HSPA4: variants seen among roughly 807,000 people sequenced by gnomAD.
HSPA4 encodes heat shock protein family A (Hsp70) member 4, also known as heat shock 70 kDa protein 4.
In HSPA4, 25 loss-of-function variants were observed where a neutral mutation model predicts 106.2. That is an observed-to-expected ratio of 0.24 (90% CI 0.17 to 0.33). The LOEUF is 0.33. Among genes scored for constraint, HSPA4 ranks in the 10% least tolerant of loss-of-function variants. The pLI, the probability that HSPA4 is intolerant of heterozygous loss-of-function variation, is 1.00. For synonymous variants in HSPA4, 332 were observed against 333.6 expected (o/e 1.00, Z 0.05); for missense variants, 841 against 996.0 (o/e 0.84, Z 2.10).
rs1765857136 is a variant in HSPA4 at position 133,106,120 on chromosome 5, T to TGG, written c.*1684_*1685insGG. The TGG allele has an allele frequency of 1.0e-5, 1 of 98,860 alleles. No individual in the cohort carries two copies. Among genetic ancestry groups the TGG allele is most frequent in the African/African-American group, 4.7e-5 (1 of 21,270 alleles). The allele number at this position is 98,860 out of a possible 1,614,324, so 6.1% of individuals were successfully genotyped here. A position where few individuals can be genotyped will look rare whatever the true frequency, so the allele number is the denominator to read the frequency against. ...AAAAAAAATTTTTTTTTTTTTTTTT[T>TGG]TTTTTTTTTTTTTTTTTTTTGGTGT... On this transcript the variant is annotated 3_prime_UTR_variant, in exon 19 of 19. Coordinates refer to ENST00000304858, the MANE Select transcript of HSPA4 (RefSeq NM_002154.4).
rs1765661163 is a variant in HSPA4 at position 133,092,753 on chromosome 5, A to G, written c.1614A>G (p.Thr538=). 6.2e-7 allele frequency: 1 copy of G among 1,610,516 alleles called. No individual in the cohort carries two copies. The highest frequency in any genetic ancestry group is 1.1e-5 in the South Asian group (1 of 90,978). The stretch of plus-strand genomic sequence containing the variant: ...ATGTTGAAGAGCAACAGCAGCAGAC[A>G]CCAGCAGAAAATAAGGCAGAGTCTG... ...EPHVEEQQQQ[T]PAENKAESEE... The change falls in exon 13 of 19, where the codon ACA becomes ACG. Residue 538 remains threonine, a synonymous_variant. Coordinates refer to ENST00000304858, the MANE Select transcript of HSPA4 (RefSeq NM_002154.4).
chr5:133,103,731 C>A, intron 17 of HSPA4, 134 bp from the exon 18 acceptor site: 2 of 679,518 alleles, frequency 2.9e-6, no homozygotes, highest in Non-Finnish European at 4.9e-6. Flanking sequence ...TAATTCTGTT[C>A]AGATTGTGAG....
At position 133,065,034 on chromosome 5, in the gene HSPA4, C is replaced by T. The variant is rs202246039; in HGVS notation, c.162C>T (p.Ser54=). Residue 54 remains serine, a synonymous_variant, in exon 2 of 19, where the codon AGC becomes AGT. Transcript: ENST00000304858. ...GTTCAATTGGAGCAGCAGCTAAAAG[C>T]CAGGTAAAGTTTCATTTTTTTCCTA... The part of the protein sequence containing the change: ...KNRSIGAAAK[S]QVISNAKNTV... 1.4e-5 allele frequency: 23 copies of T among 1,613,600 alleles called. No homozygotes were observed. Among genetic ancestry groups the T allele is most frequent in the Non-Finnish European group, 1.9e-5 (22 of 1,179,606 alleles).
At chr5:133,060,020 A>G (rs1227775897) in intron 1 of HSPA4, among the ~76,000 whole-genome samples, 3 of 151,858 alleles carry the variant, frequency 2.0e-5, no homozygotes, top group African/African-American at 7.3e-5. Flanking sequence ...AAGACTTTTC[A>G]GAGCATTTGT....
At chr5:133,077,244 A>AT (rs914462312) in intron 7 of HSPA4, among the ~76,000 whole-genome samples, 147 of 150,428 alleles carry the variant, frequency 9.8e-4, no homozygotes, top group African/African-American at 1.6e-3. Flanking sequence ...AGAAATTGTA[A>AT]TTTTTTTTTT....
Position 133,103,887 on chromosome 5 carries a change from A to G in HSPA4, c.2180A>G (p.Asp727Gly), listed in dbSNP as rs202245528. 4 of 1,613,886 alleles carry G rather than the reference A, an allele frequency of 2.5e-6. No individual in the cohort carries two copies. The highest frequency in any genetic ancestry group is 3.4e-6 in the Non-Finnish European group (4 of 1,179,946). The change falls in exon 18 of 19, where the codon GAT becomes GGT. Residue 727 changes from aspartate (D) to glycine (G), a missense_variant. Asp to Gly is a moderately conservative substitution (Grantham distance 94). Coordinates refer to ENST00000304858, the MANE Select transcript of HSPA4 (RefSeq NM_002154.4). ...KNKEDQYDHL[D>G]AADMTKVEKS... ...CAGGAGGACCAGTATGATCATTTGG[A>G]TGCTGCTGACATGACAAAGGTAGAA...
chr5:133,091,110 A>T (rs776104302), intron 11 of HSPA4, 83 bp from the exon 12 acceptor site: 25 of 1,135,246 alleles, frequency 2.2e-5, no homozygotes, highest in Admixed American at 3.4e-5. Flanking sequence ...GAAAGTAGAC[A>T]TAATCTAGCA....
intron 7 of HSPA4, among the ~76,000 whole-genome samples, chr5:133,084,432 C>A (rs189121431): frequency 1.3e-5 from 2 of 152,072 alleles, no homozygotes; most frequent in Non-Finnish European, 2.9e-5. Flanking sequence ...GTTAGCAATC[C>A]TTAAGTTTTG....
At chr5:133,078,459 ACT>A (rs1765472836) in intron 7 of HSPA4, among the ~76,000 whole-genome samples, 1 of 149,688 alleles carries the variant, frequency 6.7e-6, no homozygotes, top group African/African-American at 2.5e-5. Context: ...ACGAGGTGAA[ACT>A]CTTTCTCTAC....
chr5:133,102,907 G>GGT (rs1247212747), intron 17 of HSPA4, among the ~76,000 whole-genome samples: 1 of 63,504 alleles, frequency 1.6e-5, no homozygotes, highest in Non-Finnish European at 3.2e-5. Context: ...ACCCAACTAG[G>GGT]GTTGTCTTTT....
At chr5:133,094,538 T>C (rs916566065) in intron 13 of HSPA4, among the ~76,000 whole-genome samples, 3 of 152,096 alleles carry the variant, frequency 2.0e-5, no homozygotes, top group African/African-American at 7.2e-5. Flanking sequence ...ACCCTTTATG[T>C]TGTTGGGTGG....
chr5:133,077,211 GAATTT>G (rs1299791130), intron 7 of HSPA4, among the ~76,000 whole-genome samples: 6 of 152,126 alleles, frequency 3.9e-5, no homozygotes, highest in African/African-American at 7.2e-5. Context: ...GAATTAAATT[GAATTT>G]AATTTACCCA....
At chr5:133,103,743 C>T (rs980433935) in intron 17 of HSPA4, 122 bp from the exon 18 acceptor site, 1 of 749,138 alleles carries the variant, frequency 1.3e-6, no homozygotes, top group Non-Finnish European at 2.2e-6. Context: ...GATTGTGAGG[C>T]TAAATATGCT....
chr5:133,088,361 CTTTCA>C, intron 8 of HSPA4, 38 bp from the exon 9 acceptor site: 3 of 1,390,426 alleles, frequency 2.2e-6, no homozygotes, highest in Non-Finnish European at 3.0e-6. Context: ...TGTTATTGTT[CTTTCA>C]TTTCATTAAA....
At chr5:133,086,085 C>T (rs991834388) in intron 7 of HSPA4, among the ~76,000 whole-genome samples, 6 of 152,140 alleles carry the variant, frequency 3.9e-5, no homozygotes, top group African/African-American at 1.4e-4. Context: ...TGCCTGTAGA[C>T]CCAGCTACTT....
chr5:133,074,184 G>A lies in HSPA4; in HGVS notation c.663+58G>A, dbSNP rs140131673. The A allele has an allele frequency of 3.2e-4, 375 of 1,167,574 alleles. No individual in the cohort carries two copies. In the African/African-American group the frequency reaches 5.0e-3, roughly 16 times the overall value. 72.3% of individuals were successfully genotyped at this position (1,167,574 alleles called of 1,614,324 possible). ...AGTAGTATGGTAATTATGAAATTTTGAGAGACAATGATTTTTTCTCATCTA... is the reference window on the plus strand; with the variant it reads ...AGTAGTATGGTAATTATGAAATTTTAAGAGACAATGATTTTTTCTCATCTA... On this transcript the variant is annotated intron_variant, in intron 6 of 18. Coordinates refer to ENST00000304858, the MANE Select transcript of HSPA4 (RefSeq NM_002154.4).
intron 15 of HSPA4, 91 bp from the exon 16 acceptor site, chr5:133,099,454 A>C (rs55717840): frequency 0.11 from 68,353 of 600,072 alleles, 4,851 homozygotes; most frequent in Non-Finnish European, 0.15. Context: ...TTTAAAGCAA[A>C]TCTCAGATAC....
intron 1 of HSPA4, among the ~76,000 whole-genome samples, chr5:133,055,326 T>G: frequency 6.8e-6 from 1 of 146,370 alleles, no homozygotes; most frequent in East Asian, 2.0e-4. Context: ...TTTTTTTTTT[T>G]TTTTTTTTTT....
At chr5:133,061,392 G>C (rs1385941133) in intron 1 of HSPA4, among the ~76,000 whole-genome samples, 2 of 151,644 alleles carry the variant, frequency 1.3e-5, no homozygotes, top group Non-Finnish European at 2.9e-5. Flanking sequence ...AAAGTGCTGG[G>C]ATTACAGGTG....
Sources: allele counts gnomAD v4.1 joint callset (sites outside exome capture counted in the v4.1 genomes callset), GRCh38; gene constraint gnomAD v4.1.1; transcripts MANE v1.5; gene names NCBI Gene and HGNC (gene_info 2026-07-23, HGNC 2026-07-21).